The following RBFOX1 variants were observed in gnomAD, a reference collection of about 807,000 sequenced individuals.
RBFOX1 encodes the protein RNA binding fox-1 homolog 1.
Under a neutral mutation model 57.7 loss-of-function variants are expected in RBFOX1, and 8 were observed. The observed-to-expected ratio is 0.14, with a 90% CI of 0.08 to 0.25. The LOEUF is 0.25. Among genes scored for constraint, RBFOX1 ranks in the 10% least tolerant of loss-of-function variants. The pLI, the probability that RBFOX1 is intolerant of heterozygous loss-of-function variation, is 1.00. For synonymous variants in RBFOX1, 326 were observed against 222.4 expected (o/e 1.47, Z -4.15); for missense variants, 611 against 548.5 (o/e 1.11, Z -1.14).
chr16:7,587,961 C>G (rs1479385050), intron 7 of RBFOX1, among the ~76,000 whole-genome samples: 2 of 152,112 alleles, frequency 1.3e-5, no homozygotes, highest in African/African-American at 4.8e-5. Flanking sequence ...GGTGGATCAC[C>G]TGAGGTCAGG....
chr16:5,835,813 G>A (rs1356150613), intron 3 of RBFOX1, among the ~76,000 whole-genome samples: 1 of 152,116 alleles, frequency 6.6e-6, no homozygotes, highest in East Asian at 1.9e-4. Flanking sequence ...TTTTTCTGGG[G>A]GACAATTGAT....
At chr16:7,026,966 C>G (rs971707228) in intron 3 of RBFOX1, among the ~76,000 whole-genome samples, 2 of 152,122 alleles carry the variant, frequency 1.3e-5, no homozygotes, top group Non-Finnish European at 2.9e-5. Flanking sequence ...GTGCTTTGCC[C>G]TCTCTGAAGC....
chr16:7,544,618 C>T (rs779218358), intron 5 of RBFOX1, among the ~76,000 whole-genome samples: 1 of 152,130 alleles, frequency 6.6e-6, no homozygotes. Flanking sequence ...AGGACGGACT[C>T]TCCTTGAGAG....
chr16:7,389,537 C>T (rs190734977), intron 4 of RBFOX1, among the ~76,000 whole-genome samples: 3 of 152,228 alleles, frequency 2.0e-5, no homozygotes, highest in East Asian at 1.9e-4. Context: ...CTTAATCTTG[C>T]GAACAACTCT....
rs528266151 is a variant in RBFOX1, at chr16:7,263,932, A to C, written c.27+211834A>C. On this transcript the variant is annotated intron_variant, in intron 4 of 15. Coordinates refer to ENST00000550418, the MANE Select transcript of RBFOX1 (RefSeq NM_018723.4). ...TATATATATAAATTAAAAAAAAAAAAAAAACAAGTAGAAGGAAGGAGTGAT... is the reference window on the plus strand; with the variant it reads ...TATATATATAAATTAAAAAAAAAAACAAAACAAGTAGAAGGAAGGAGTGAT... 1.7e-4 allele frequency among the ~76,000 whole-genome samples: 25 copies of C among 151,322 alleles called. 1 individual carries two copies. In the East Asian group the frequency reaches 4.9e-3, roughly 29 times the overall value.
At chr16:6,118,065 G>C (rs897253291) in intron 1 of RBFOX1, among the ~76,000 whole-genome samples, 1 of 152,160 alleles carries the variant, frequency 6.6e-6, no homozygotes, top group Non-Finnish European at 1.5e-5. Context: ...AAGTAGTCCA[G>C]AGAATTTCTG....
At chr16:7,641,684 A>G (rs1246043262) in intron 11 of RBFOX1, among the ~76,000 whole-genome samples, 1 of 152,082 alleles carries the variant, frequency 6.6e-6, no homozygotes, top group Non-Finnish European at 1.5e-5. Context: ...CCTAATTCCC[A>G]CTAGTGGTTT....
intron 1 of RBFOX1, among the ~76,000 whole-genome samples, chr16:6,289,580 T>C (rs979883225): frequency 1.7e-4 from 26 of 152,146 alleles, no homozygotes; most frequent in African/African-American, 6.3e-4. Flanking sequence ...GCCCTTTTAA[T>C]TGAGTGTCTT....
intron 4 of RBFOX1, among the ~76,000 whole-genome samples, chr16:7,220,716 G>A (rs2092662599): frequency 6.6e-6 from 1 of 151,656 alleles, no homozygotes. Context: ...CTTGCCACAG[G>A]ATCATCTTGG....
chr16:7,471,815 G>T (rs559658275), intron 4 of RBFOX1, among the ~76,000 whole-genome samples: 11 of 152,298 alleles, frequency 7.2e-5, no homozygotes, highest in African/African-American at 2.6e-4. Flanking sequence ...CTGTCTGGGA[G>T]CTCCAGGGCC....
chr16:7,607,854 G>A (rs779805724), intron 10 of RBFOX1, among the ~76,000 whole-genome samples: 7 of 152,150 alleles, frequency 4.6e-5, no homozygotes, highest in Non-Finnish European at 7.3e-5. Flanking sequence ...AATTCCCTTA[G>A]CAATTCCTTT....
intron 2 of RBFOX1, among the ~76,000 whole-genome samples, chr16:6,640,762 C>G (rs1300263724): frequency 6.6e-6 from 1 of 152,090 alleles, no homozygotes; most frequent in African/African-American, 2.4e-5. Context: ...ATACAAGTTC[C>G]AGTTCTGGTT....
intron 4 of RBFOX1, among the ~76,000 whole-genome samples, chr16:7,241,015 G>A (rs1277502174): frequency 6.6e-6 from 1 of 152,238 alleles, no homozygotes. Flanking sequence ...AACAATATCT[G>A]TTCTGGCTAT....
chr16:6,573,631 A>G (rs566743278), intron 2 of RBFOX1: 9 of 152,250 alleles, frequency 5.9e-5, no homozygotes, highest in Non-Finnish European at 1.2e-4. Context: ...ACTCTGGAAA[A>G]TAAGGCTTAT....
chr16:6,321,020 C>T (rs1254579238), intron 2 of RBFOX1, among the ~76,000 whole-genome samples: 2 of 152,180 alleles, frequency 1.3e-5, no homozygotes, highest in Non-Finnish European at 2.9e-5. Context: ...TCTCGAACTC[C>T]TGACCTCAGG....
intron 4 of RBFOX1, among the ~76,000 whole-genome samples, chr16:7,388,317 A>T (rs2097918978): frequency 6.6e-6 from 1 of 152,196 alleles, no homozygotes; most frequent in African/African-American, 2.4e-5. Flanking sequence ...GAAATTCCTG[A>T]ATACAAGTGG....
chr16:6,753,800 T>A (rs1469859012), intron 3 of RBFOX1, among the ~76,000 whole-genome samples: 2 of 152,158 alleles, frequency 1.3e-5, no homozygotes, highest in Admixed American at 1.3e-4. Flanking sequence ...GCTGAGGCTG[T>A]TGCCTGCTCT....
At chr16:6,273,723 T>G (rs1039423568) in intron 1 of RBFOX1, among the ~76,000 whole-genome samples, 2 of 152,090 alleles carry the variant, frequency 1.3e-5, no homozygotes, top group African/African-American at 4.8e-5. Flanking sequence ...TCAAAAAAAT[T>G]TTTTAAATCT....
intron 3 of RBFOX1, among the ~76,000 whole-genome samples, chr16:6,908,851 G>C (rs2070787001): frequency 6.6e-6 from 1 of 152,000 alleles, no homozygotes; most frequent in Non-Finnish European, 1.5e-5. Context: ...GCTATTGTGG[G>C]GACTAAATTA....
Sources: allele counts gnomAD v4.1 joint callset (sites outside exome capture counted in the v4.1 genomes callset), GRCh38; gene constraint gnomAD v4.1.1; transcripts MANE v1.5; gene names NCBI Gene and HGNC (gene_info 2026-07-23, HGNC 2026-07-21).